The following HIVEP1 variants were observed in gnomAD, a reference collection of about 807,000 sequenced individuals.
HIVEP1 encodes zinc finger protein 40.
In HIVEP1, 36 loss-of-function variants were observed where a neutral mutation model predicts 180.0. That is an observed-to-expected ratio of 0.20 (90% CI 0.15 to 0.26). The LOEUF (loss-of-function observed/expected upper bound fraction) is 0.26. Among genes scored for constraint, HIVEP1 ranks in the 10% least tolerant of loss-of-function variants. HIVEP1 has a pLI of 1.00. For missense variants in HIVEP1, 3,143 were observed against 3,268.7 expected (o/e 0.96, Z 0.94); for synonymous variants, 1,239 against 1,239.0 (o/e 1.00, Z 0.00).
chr6:12,051,016 A>ATATATATATATATATG (rs1554135666), intron 2 of HIVEP1, among the ~76,000 whole-genome samples: 6 of 135,826 alleles, frequency 4.4e-5, no homozygotes, highest in African/African-American at 8.4e-5. Flanking sequence ...ATATATATAT[A>ATATATATATATATATG]TATATATATA....
chr6:12,039,787 G>A (rs538317720), intron 2 of HIVEP1, among the ~76,000 whole-genome samples: 7 of 152,160 alleles, frequency 4.6e-5, no homozygotes, highest in Admixed American at 2.0e-4. Flanking sequence ...AAAAGACAGT[G>A]AGGAACAAGG....
At chr6:12,179,021 G>C in the HIVEP1 span, among the ~76,000 whole-genome samples, 4 of 152,080 alleles carry the variant, frequency 2.6e-5, no homozygotes, top group African/African-American at 9.7e-5. Flanking sequence ...TAAAAATATA[G>C]AAAGATATAA....
chr6:12,093,009 A>G (rs1773575103), intron 3 of HIVEP1, among the ~76,000 whole-genome samples: 1 of 152,142 alleles, frequency 6.6e-6, no homozygotes, highest in Non-Finnish European at 1.5e-5. Context: ...TGATCTGATC[A>G]GTTGACTTCC....
chr6:12,091,448 CTTTT>C (rs950150493), intron 3 of HIVEP1, among the ~76,000 whole-genome samples: 1 of 152,036 alleles, frequency 6.6e-6, no homozygotes, highest in Non-Finnish European at 1.5e-5. Context: ...CCCTTTCTCT[CTTTT>C]TTGTAATTAT....
intron 7 of HIVEP1, among the ~76,000 whole-genome samples, chr6:12,148,452 C>A (rs1759502512): frequency 6.6e-6 from 1 of 152,166 alleles, no homozygotes; most frequent in Non-Finnish European, 1.5e-5. Context: ...ATTTTCTTAG[C>A]CCAGTCAGTG....
chr6:12,093,791 T>C (rs1773628993), intron 3 of HIVEP1, among the ~76,000 whole-genome samples: 1 of 152,102 alleles, frequency 6.6e-6, no homozygotes, highest in African/African-American at 2.4e-5. Flanking sequence ...TTTATTGTCT[T>C]GATATATACA....
rs1308645062 is a variant in HIVEP1 at position 12,124,122 on chromosome 6, C to T, written c.4327C>T (p.Leu1443=). The change falls in exon 4 of 9, where the codon CTG becomes TTG. Residue 1443 remains leucine (L), a synonymous_variant. Transcript: ENST00000379388. ...ISLNIAPDSH[L]SPVHPTSFQN... ...TTTAAACATAGCCCCAGATAGTCATCTGTCTCCTGTACACCCAACATCTTT... is the reference window on the plus strand; with the variant it reads ...TTTAAACATAGCCCCAGATAGTCATTTGTCTCCTGTACACCCAACATCTTT... 6.2e-7 allele frequency: 1 copy of T among 1,614,174 alleles called. No individual in the cohort carries two copies.
intron 7 of HIVEP1, among the ~76,000 whole-genome samples, chr6:12,143,999 T>G (rs1346551744): frequency 1.3e-5 from 2 of 152,184 alleles, no homozygotes; most frequent in Non-Finnish European, 2.9e-5. Flanking sequence ...AAGCTACCAA[T>G]GACTTTCTTC....
chr6:12,161,690 G>T lies in HIVEP1; in HGVS notation c.6739G>T (p.Asp2247Tyr). 1 of 1,614,188 alleles carries T rather than the reference G, an allele frequency of 6.2e-7. No homozygotes were observed. The highest frequency in any genetic ancestry group is 1.7e-5 in the Admixed American group (1 of 60,026). The change falls in exon 8 of 9, where the codon GAC becomes TAC. Residue 2247 changes from aspartate (D) to tyrosine (Y), a missense_variant. Coordinates refer to ENST00000379388, the MANE Select transcript of HIVEP1 (RefSeq NM_002114.4). ...TTCTGGGGTACACACGGACCCAATG[G>T]ACGTTCTGCCCAGGGCGCTGCTCAC... ...CFSGVHTDPM[D>Y]VLPRALLTRM...
intron 2 of HIVEP1, among the ~76,000 whole-genome samples, chr6:12,049,738 C>T (rs1470975717): frequency 1.3e-5 from 2 of 152,150 alleles, no homozygotes; most frequent in African/African-American, 4.8e-5. Context: ...CACTAATAAG[C>T]TTATACTTTC....
intron 2 of HIVEP1, among the ~76,000 whole-genome samples, chr6:12,054,220 A>G (rs1200587665): frequency 6.6e-6 from 1 of 152,226 alleles, no homozygotes; most frequent in Non-Finnish European, 1.5e-5. Flanking sequence ...AATTGGATTG[A>G]TACCAAGGTT....
intron 2 of HIVEP1, among the ~76,000 whole-genome samples, chr6:12,029,304 T>G (rs1318554606): frequency 6.6e-6 from 1 of 152,226 alleles, no homozygotes; most frequent in Non-Finnish European, 1.5e-5. Context: ...ACGTTGAACT[T>G]TTTGTTTCTT....
At chr6:12,079,984 G>C (rs547003381) in intron 2 of HIVEP1, among the ~76,000 whole-genome samples, 3 of 134,250 alleles carry the variant, frequency 2.2e-5, no homozygotes, top group African/African-American at 8.0e-5. Context: ...ATCTATATCT[G>C]GTCTTTGAAT....
chr6:12,141,160 ACAG>A (rs1365383189), intron 7 of HIVEP1, among the ~76,000 whole-genome samples: 3 of 152,214 alleles, frequency 2.0e-5, no homozygotes, highest in African/African-American at 7.2e-5. Context: ...ATCAGACTTA[ACAG>A]CAGATCTCTC....
intron 2 of HIVEP1, among the ~76,000 whole-genome samples, chr6:12,068,446 A>G (rs1771745094): frequency 6.6e-6 from 1 of 152,214 alleles, no homozygotes; most frequent in African/African-American, 2.4e-5. Context: ...TGTAAAGGGT[A>G]AAGAATCATG....
the HIVEP1 span, among the ~76,000 whole-genome samples, chr6:12,199,064 C>A: frequency 2.6e-5 from 4 of 152,142 alleles, no homozygotes; most frequent in African/African-American, 9.7e-5. Context: ...AGTCACTGTG[C>A]CAGGAGTCCA....
intron 7 of HIVEP1, among the ~76,000 whole-genome samples, chr6:12,153,040 ATATT>A (rs935983049): frequency 1.3e-5 from 2 of 152,260 alleles, no homozygotes; most frequent in African/African-American, 2.4e-5. Flanking sequence ...ACAATTTAAA[ATATT>A]TATAATATAA....
chr6:12,145,482 A>G (rs2113629973), intron 7 of HIVEP1, among the ~76,000 whole-genome samples: 1 of 151,214 alleles, frequency 6.6e-6, no homozygotes, highest in South Asian at 2.1e-4. Flanking sequence ...ACAAACCTGC[A>G]CGTTGTGCAT....
In HIVEP1 at chr6:12,122,217, G is replaced by C. The variant is rs747315327; in HGVS notation, c.2422G>C (p.Asp808His). 4 of 1,614,090 alleles carry C rather than the reference G, an allele frequency of 2.5e-6. No individual in the cohort carries two copies. In the Admixed American group the frequency reaches 6.7e-5, roughly 27 times the overall value. ...GGGACGGAGAACAAGTTCAAGCTCT[G>C]ATATACCGAAGTCACCTTTCACCCC... ...PVGRRTSSSS[D>H]IPKSPFTPTE... The change falls in exon 4 of 9, where the codon GAT (aspartate) becomes CAT (histidine). Residue 808 changes from aspartate to histidine, a missense_variant. By Grantham distance (81) the Asp-to-His change is moderately conservative. Coordinates refer to ENST00000379388, the MANE Select transcript of HIVEP1 (RefSeq NM_002114.4).
Sources: gnomAD v4.1 joint callset for allele counts (sites outside exome capture counted in the v4.1 genomes callset) on GRCh38, gnomAD v4.1.1 for gene constraint, MANE v1.5 for transcripts, NCBI Gene and HGNC (gene_info 2026-07-23, HGNC 2026-07-21) for gene names.